Variants in SH3KBP1 observed in about 807,000 individuals in gnomAD.
The protein encoded by SH3KBP1 is SH3 domain containing kinase binding protein 1.
Under a neutral mutation model 50.1 loss-of-function variants are expected in SH3KBP1, and 8 were observed. The ratio of observed to expected loss-of-function variants is 0.16; its 90% confidence interval spans 0.09 to 0.29. The LOEUF is 0.29. SH3KBP1 is among the 10% of genes least tolerant of loss of function. The probability of loss-of-function intolerance (pLI) is 1.00; values close to 1 mark genes in which losing one functional copy is unlikely to be tolerated. For missense variants in SH3KBP1, 377 were observed against 535.2 expected (o/e 0.70, Z 2.92); for synonymous variants, 227 against 218.6 (o/e 1.04, Z -0.34).
intron 13 of SH3KBP1, among the ~76,000 whole-genome samples, chrX:19,557,881 T>C (rs1033592684): frequency 1.8e-5 from 2 of 111,622 alleles, no homozygotes; most frequent in South Asian, 3.7e-4. Flanking sequence ...TTAGTTACTA[T>C]GAAAGAATGA....
At chrX:19,730,144 A>C (rs184428596) in intron 3 of SH3KBP1, among the ~76,000 whole-genome samples, 9 of 111,820 alleles carry the variant, frequency 8.0e-5, no homozygotes, top group Non-Finnish European at 1.9e-5. Flanking sequence ...AGCTGCTTTA[A>C]AGCTTTTTTT....
Position 19,542,185 on chromosome X carries a change from G to A in SH3KBP1, c.1632C>T (p.Asp544=). The change falls in exon 16 of 18, where the codon GAC becomes GAT. Residue 544 remains aspartate (D), a synonymous_variant. Coordinates refer to ENST00000397821, the MANE Select transcript of SH3KBP1 (RefSeq NM_031892.3). ...SKTVTISQVS[D]NKASLPPKPG... is the part of the protein sequence containing the mutation. The stretch of plus-strand genomic sequence containing the variant: ...GCTTGGGCGGCAGGGATGCTTTGTT[G>A]TCAGACACCTGTGACGAGGGAAGGC... 1 of 1,176,897 alleles carries A rather than the reference G, an allele frequency of 8.5e-7. No individual in the cohort carries two copies. Among genetic ancestry groups the A allele is most frequent in the South Asian group, 1.9e-5 (1 of 51,336 alleles).
At chrX:19,570,816 T>C (rs753908906) in intron 12 of SH3KBP1, among the ~76,000 whole-genome samples, 1 of 111,152 alleles carries the variant, frequency 9.0e-6, no homozygotes, top group South Asian at 3.8e-4. Flanking sequence ...ATTAGCCAGG[T>C]GTGGTGGTGC....
At chrX:19,743,523 G>A (rs2064833519) in intron 3 of SH3KBP1, among the ~76,000 whole-genome samples, 1 of 112,040 alleles carries the variant, frequency 8.9e-6, no homozygotes, top group African/African-American at 3.2e-5. Flanking sequence ...GTTTACAAAC[G>A]TTAAAGCTGA....
At chrX:19,641,175 G>C (rs1191742195) in intron 7 of SH3KBP1, among the ~76,000 whole-genome samples, 1 of 112,188 alleles carries the variant, frequency 8.9e-6, no homozygotes, top group Non-Finnish European at 1.9e-5. Flanking sequence ...GGCCGATTGG[G>C]AGAGCAGTGG....
chrX:19,560,889 AAC>A (rs1337011475), intron 13 of SH3KBP1, among the ~76,000 whole-genome samples: 1 of 108,994 alleles, frequency 9.2e-6, no homozygotes, highest in Non-Finnish European at 1.9e-5. Flanking sequence ...CAGCCTGTGC[AAC>A]ACAGTGAGAT....
intron 12 of SH3KBP1, among the ~76,000 whole-genome samples, chrX:19,573,569 G>A (rs751062493): frequency 8.9e-6 from 1 of 112,180 alleles, no homozygotes; most frequent in East Asian, 2.8e-4. Flanking sequence ...TTACAGGCGT[G>A]AGCCACCATG....
intron 12 of SH3KBP1, among the ~76,000 whole-genome samples, chrX:19,584,354 A>G (rs2066493512): frequency 9.7e-6 from 1 of 103,312 alleles, no homozygotes; most frequent in Admixed American, 1.1e-4. Flanking sequence ...TATGGAGGAA[A>G]GGTCTCACTC....
chrX:19,830,994 C>T (rs1256747013), intron 2 of SH3KBP1, among the ~76,000 whole-genome samples: 1 of 111,787 alleles, frequency 8.9e-6, no homozygotes, highest in Non-Finnish European at 1.9e-5. Flanking sequence ...ACTCAGTATA[C>T]CAGGGGAATG....
chrX:19,668,765 G>A (rs189176587), intron 6 of SH3KBP1, among the ~76,000 whole-genome samples: 8,502 of 97,568 alleles, frequency 0.087, 933 homozygotes, highest in African/African-American at 0.29. Context: ...CAGGAGAATC[G>A]CTTGAACCTG....
At chrX:19,673,104 C>A (rs1226392806) in intron 6 of SH3KBP1, among the ~76,000 whole-genome samples, 1 of 108,150 alleles carries the variant, frequency 9.2e-6, no homozygotes, top group African/African-American at 3.4e-5. Flanking sequence ...TGAAACGTAC[C>A]ACGTTAATGC....
At chrX:19,809,498 T>G (rs2067146995) in intron 2 of SH3KBP1, among the ~76,000 whole-genome samples, 1 of 109,419 alleles carries the variant, frequency 9.1e-6, no homozygotes, top group Non-Finnish European at 1.9e-5. Flanking sequence ...CACTCCAGCC[T>G]GGCGACAGAG....
At chrX:19,653,711 A>AAT (rs758915468) in intron 6 of SH3KBP1, among the ~76,000 whole-genome samples, 3 of 107,132 alleles carry the variant, frequency 2.8e-5, no homozygotes, top group East Asian at 3.0e-4. Flanking sequence ...ACTACGTCTG[A>AAT]ATATATATAT....
chrX:19,887,262 C>T (rs1388891591), intron 1 of SH3KBP1, 45 bp downstream of exon 1: 7 of 967,339 alleles, frequency 7.2e-6, no homozygotes, highest in African/African-American at 2.1e-5. Flanking sequence ...GCGCGCCGCC[C>T]TCAAGGCTGA....
intron 2 of SH3KBP1, among the ~76,000 whole-genome samples, chrX:19,747,348 A>G (rs2064945648): frequency 8.9e-6 from 1 of 112,214 alleles, no homozygotes; most frequent in Non-Finnish European, 1.9e-5. Flanking sequence ...ATTCCCCCCA[A>G]AGGAGTAAGG....
intron 6 of SH3KBP1, among the ~76,000 whole-genome samples, chrX:19,661,799 G>A (rs765808841): frequency 9.1e-6 from 1 of 110,003 alleles, no homozygotes; most frequent in Non-Finnish European, 1.9e-5. Context: ...GCTAATTTTT[G>A]TATTTTTAGT....
intron 6 of SH3KBP1, chrX:19,664,568 A>G (rs2062549183): frequency 8.9e-6 from 1 of 112,012 alleles, no homozygotes; most frequent in Non-Finnish European, 1.9e-5. Flanking sequence ...AAGGTCATAG[A>G]AACCTAGAGT....
chrX:19,546,938 G>A (rs188855811), intron 14 of SH3KBP1, among the ~76,000 whole-genome samples: 1 of 111,187 alleles, frequency 9.0e-6, no homozygotes, highest in East Asian at 2.8e-4. Context: ...GATCTCTTGA[G>A]CCCAGGAATT....
At chrX:19,648,676 G>A (rs1408287114) in intron 6 of SH3KBP1, among the ~76,000 whole-genome samples, 1 of 110,630 alleles carries the variant, frequency 9.0e-6, no homozygotes. Flanking sequence ...TCTTCAGGTA[G>A]AAGACTGGCT....
Sources: allele counts gnomAD v4.1 joint callset (sites outside exome capture counted in the v4.1 genomes callset), GRCh38; gene constraint gnomAD v4.1.1; transcripts MANE v1.5; gene names NCBI Gene and HGNC (gene_info 2026-07-23, HGNC 2026-07-21).